The following PMS1 variants were observed in gnomAD, a reference collection of about 807,000 sequenced individuals.
PMS1 encodes the protein PMS1 protein homolog 1.
A neutral mutation model predicts 93.1 loss-of-function variants in PMS1; 79 were observed. That is an observed-to-expected ratio of 0.85 (90% CI 0.71 to 1.02). The LOEUF (loss-of-function observed/expected upper bound fraction) is 1.02, where lower values mean the gene tolerates loss of function less well. Among genes scored for constraint, PMS1 ranks in the 50% least tolerant of loss-of-function variants. The pLI is 0.00. For synonymous variants in PMS1, 335 were observed against 363.4 expected (o/e 0.92, Z 0.89); for missense variants, 1,064 against 1,085.3 (o/e 0.98, Z 0.28).
chr2:189,815,359 T>G (rs1486795653), intron 4 of PMS1, among the ~76,000 whole-genome samples: 2 of 152,156 alleles, frequency 1.3e-5, no homozygotes, highest in African/African-American at 4.8e-5. Context: ...CACCCAAATC[T>G]CATCTCGAAT....
intron 9 of PMS1, 110 bp from the exon 10 acceptor site, chr2:189,863,633 G>T: frequency 2.5e-6 from 2 of 793,364 alleles, no homozygotes; most frequent in Non-Finnish European, 4.2e-6. Context: ...ATGTTCCTTT[G>T]TCATTACTAT....
intron 1 of PMS1, 143 bp from the exon 2 acceptor site, chr2:189,791,647 A>G: frequency 1.6e-6 from 1 of 626,384 alleles, no homozygotes; most frequent in Non-Finnish European, 2.8e-6. Flanking sequence ...AGAAGACTTA[A>G]TATTGTATGT....
chr2:189,802,440 G>C (rs915331657), intron 3 of PMS1, among the ~76,000 whole-genome samples: 2 of 152,178 alleles, frequency 1.3e-5, no homozygotes, highest in African/African-American at 4.8e-5. Context: ...TTCATGTTGA[G>C]TAGGCTAAGG....
chr2:189,830,477 A>G (rs1231629064), intron 5 of PMS1, among the ~76,000 whole-genome samples: 1 of 152,018 alleles, frequency 6.6e-6, no homozygotes, highest in Non-Finnish European at 1.5e-5. Flanking sequence ...AATTGCAACC[A>G]TTTCCCCTGT....
At chr2:189,840,036 C>T (rs1324567732) in intron 5 of PMS1, among the ~76,000 whole-genome samples, 1 of 152,038 alleles carries the variant, frequency 6.6e-6, no homozygotes, top group African/African-American at 2.4e-5. Flanking sequence ...TTTAGAAATG[C>T]AATATACACA....
At chr2:189,795,714 T>C (rs1163672244) in intron 2 of PMS1, 55 bp from the exon 3 acceptor site, 3 of 1,336,780 alleles carry the variant, frequency 2.2e-6, no homozygotes, top group East Asian at 4.7e-5. Flanking sequence ...TCTTTCTAAG[T>C]GTGATAACAG....
intron 3 of PMS1, among the ~76,000 whole-genome samples, chr2:189,802,833 T>C (rs2050011872): frequency 6.6e-6 from 1 of 152,188 alleles, no homozygotes. Flanking sequence ...GGAGGAGCTT[T>C]AGTCAAAATA....
At chr2:189,808,744 G>A (rs1418671759) in intron 4 of PMS1, among the ~76,000 whole-genome samples, 2 of 152,130 alleles carry the variant, frequency 1.3e-5, no homozygotes, top group Non-Finnish European at 2.9e-5. Flanking sequence ...TGATTTATGT[G>A]TTTAACAGTA....
At chr2:189,810,683 G>A (rs1397021705) in intron 4 of PMS1, among the ~76,000 whole-genome samples, 27 of 152,188 alleles carry the variant, frequency 1.8e-4, no homozygotes, top group Admixed American at 1.8e-3. Context: ...TAGAGAAAGA[G>A]ACCTGATTCC....
chr2:189,844,231 TG>T, intron 6 of PMS1, 151 bp downstream of exon 6: 1 of 1,289,986 alleles, frequency 7.8e-7, no homozygotes, highest in Non-Finnish European at 1.0e-6. Context: ...ACAGAGCTTA[TG>T]TTAAACCTCT....
chr2:189,855,510 G>A (rs2055220417), intron 9 of PMS1, among the ~76,000 whole-genome samples: 2 of 151,748 alleles, frequency 1.3e-5, no homozygotes, highest in Admixed American at 1.3e-4. Flanking sequence ...CATTGGAACA[G>A]TTGTAACTGG....
At position 189,873,497 on chromosome 2, in the gene PMS1, A is replaced by G; in HGVS notation, c.2475A>G (p.Gly825=). Residue 825 remains glycine (G), a splice_region_variant and synonymous_variant, in exon 12 of 13, where the codon GGA becomes GGG. Coordinates refer to ENST00000441310, the MANE Select transcript of PMS1 (RefSeq NM_000534.5). The part of the protein sequence containing the change: ...ANGFKIKLIP[G]VSITENYLEI... Reference sequence around the variant, plus strand: ...GTGTTTTTATTTTTTTTCTTTCAGGAGTTTCAATTACTGAAAATTACTTGG... The same window carrying G: ...GTGTTTTTATTTTTTTTCTTTCAGGGGTTTCAATTACTGAAAATTACTTGG... 1 of 1,583,346 alleles carries G rather than the reference A, an allele frequency of 6.3e-7. No individual in the cohort carries two copies. The highest frequency in any genetic ancestry group is 8.7e-7 in the Non-Finnish European group (1 of 1,152,704).
intron 5 of PMS1, among the ~76,000 whole-genome samples, chr2:189,835,789 G>A (rs992820175): frequency 4.6e-5 from 7 of 151,764 alleles, no homozygotes; most frequent in South Asian, 2.1e-4. Flanking sequence ...TTAGCTGGGC[G>A]TGGTAGTGTG....
At chr2:189,793,705 G>T (rs1291303089) in intron 2 of PMS1, among the ~76,000 whole-genome samples, 1 of 152,174 alleles carries the variant, frequency 6.6e-6, no homozygotes, top group Non-Finnish European at 1.5e-5. Context: ...CAGAAGTCCT[G>T]TATAAACTAA....
chr2:189,851,612 A>G (rs1288017125), intron 6 of PMS1, among the ~76,000 whole-genome samples: 1 of 152,182 alleles, frequency 6.6e-6, no homozygotes, highest in Non-Finnish European at 1.5e-5. Context: ...AGCCATAGAC[A>G]TAGGTGGTGG....
At chr2:189,849,499 CAA>C (rs1345009469) in intron 6 of PMS1, among the ~76,000 whole-genome samples, 2 of 152,040 alleles carry the variant, frequency 1.3e-5, no homozygotes, top group Admixed American at 1.3e-4. Flanking sequence ...CTAATAATTT[CAA>C]AGTCCTTTTC....
intron 4 of PMS1, among the ~76,000 whole-genome samples, chr2:189,815,017 T>G (rs1200207484): frequency 6.7e-6 from 1 of 149,540 alleles, no homozygotes; most frequent in Non-Finnish European, 1.5e-5. Context: ...GAGAATGGCA[T>G]GAACCTAGGA....
chr2:189,848,071 G>A (rs2054398225), intron 6 of PMS1, among the ~76,000 whole-genome samples: 1 of 152,088 alleles, frequency 6.6e-6, no homozygotes, highest in Non-Finnish European at 1.5e-5. Flanking sequence ...TTCTAGTTTT[G>A]ACACACTCCA....
At chr2:189,813,131 T>C (rs996164746) in intron 4 of PMS1, among the ~76,000 whole-genome samples, 2 of 152,186 alleles carry the variant, frequency 1.3e-5, no homozygotes, top group Non-Finnish European at 2.9e-5. Context: ...TTGGAGAGAC[T>C]CCTAGGATAG....
Sources: allele counts gnomAD v4.1 joint callset (sites outside exome capture counted in the v4.1 genomes callset), GRCh38; gene constraint gnomAD v4.1.1; transcripts MANE v1.5; gene names NCBI Gene and HGNC (gene_info 2026-07-23, HGNC 2026-07-21).